Variants in C9orf153 observed in about 807,000 individuals in gnomAD.
C9orf153 encodes the protein uncharacterized protein C9orf153.
A neutral mutation model predicts 9.0 loss-of-function variants in C9orf153; 10 were observed. The observed-to-expected ratio is 1.11, with a 90% CI of 0.69 to 1.89. The LOEUF is 1.89. Ranked by LOEUF, C9orf153 falls within the 40% of genes most tolerant of loss-of-function variation. C9orf153 has a pLI of 0.00. For synonymous variants in C9orf153, 35 were observed against 37.3 expected (o/e 0.94, Z 0.23); for missense variants, 108 against 111.0 (o/e 0.97, Z 0.12).
intron 1 of C9orf153, among the ~76,000 whole-genome samples, chr9:86,241,801 T>C (rs528852203): frequency 1.3e-5 from 2 of 152,222 alleles, no homozygotes; most frequent in African/African-American, 2.4e-5. Context: ...AATTTTTCTA[T>C]TTTTAGTAGA....
At chr9:86,225,217 G>A (rs1017174671) in intron 3 of C9orf153, among the ~76,000 whole-genome samples, 2 of 152,238 alleles carry the variant, frequency 1.3e-5, no homozygotes, top group Non-Finnish European at 2.9e-5. Context: ...CTTCTGGACT[G>A]AGTAGGAGAG....
chr9:86,224,805 G>C (rs1260092061), intron 3 of C9orf153, among the ~76,000 whole-genome samples: 2 of 151,212 alleles, frequency 1.3e-5, no homozygotes, highest in African/African-American at 2.4e-5. Flanking sequence ...TGGGCTTGGT[G>C]GTGGGCACCT....
intron 1 of C9orf153, among the ~76,000 whole-genome samples, chr9:86,242,096 G>A (rs1460215429): frequency 6.6e-6 from 1 of 152,226 alleles, no homozygotes; most frequent in Non-Finnish European, 1.5e-5. Flanking sequence ...TAGGGTGGTT[G>A]TGTTGACCTC....
rs1375752614 is a variant in C9orf153, at chr9:86,221,584, A to G, written c.*104T>C. ...AAAGACTTGCGAACTATAGGGGGGA[A>G]AATAACGTCAGGCATGTCCTGGCTC... On this transcript the variant is annotated 3_prime_UTR_variant, in exon 4 of 4. Coordinates refer to ENST00000339137, the MANE Select transcript of C9orf153 (RefSeq NM_001276366.4). 2.8e-6 allele frequency: 4 copies of G among 1,426,788 alleles called. No individual in the cohort carries two copies. The highest frequency in any genetic ancestry group is 2.9e-5 in the African/African-American group (2 of 68,198). The allele number at this position is 1,426,788 out of a possible 1,614,324, so 88.4% of individuals were successfully genotyped here.
Position 86,247,827 on chromosome 9 carries a change from C to T in C9orf153, c.-27+11723G>A, listed in dbSNP as rs539395570. Among the ~76,000 whole-genome samples the T allele has an allele frequency of 6.6e-5, 10 of 152,290 alleles. No individual in the cohort carries two copies. In the South Asian group the frequency reaches 1.5e-3, roughly 22 times the overall value. On this transcript the variant is annotated intron_variant, in intron 1 of 3. Transcript: ENST00000339137. ...TTGTTCTTTTGAAGTTTTCTTCTGCCAACATAGTCTCTCTTTTTTGTCCCT... is the reference window on the plus strand; with the variant it reads ...TTGTTCTTTTGAAGTTTTCTTCTGCTAACATAGTCTCTCTTTTTTGTCCCT...
intron 1 of C9orf153, among the ~76,000 whole-genome samples, chr9:86,256,516 C>A (rs753663615): frequency 6.6e-6 from 1 of 152,124 alleles, no homozygotes; most frequent in Non-Finnish European, 1.5e-5. Context: ...CATTTAAATA[C>A]GCAGGAGCTA....
chr9:86,244,702 C>T (rs900408224), intron 1 of C9orf153, among the ~76,000 whole-genome samples: 1 of 152,172 alleles, frequency 6.6e-6, no homozygotes. Context: ...CGAAGAATAT[C>T]GGGAACACCA....
At chr9:86,229,446 T>G (rs1824414093) in intron 2 of C9orf153, 92 bp downstream of exon 2, 3 of 846,948 alleles carry the variant, frequency 3.5e-6, no homozygotes, top group Non-Finnish European at 5.8e-6. Flanking sequence ...GGCTCCCAAG[T>G]GTGTCACTGT....
At chr9:86,230,151 T>G (rs536507051) in intron 1 of C9orf153, among the ~76,000 whole-genome samples, 2 of 152,282 alleles carry the variant, frequency 1.3e-5, no homozygotes, top group South Asian at 4.1e-4. Context: ...CAATTTAAAC[T>G]TTTCATTTGC....
At chr9:86,229,394 A>C in intron 2 of C9orf153, 144 bp downstream of exon 2, 1 of 564,148 alleles carries the variant, frequency 1.8e-6, no homozygotes, top group South Asian at 2.5e-5. Flanking sequence ...CTCTGTGACT[A>C]AGAATGTTAA....
At chr9:86,243,831 C>T (rs544495455) in intron 1 of C9orf153, among the ~76,000 whole-genome samples, 1 of 152,328 alleles carries the variant, frequency 6.6e-6, no homozygotes, top group East Asian at 1.9e-4. Flanking sequence ...TTCTGAAAAG[C>T]AGGCTGCATC....
At chr9:86,253,881 G>A (rs1482119987) in intron 1 of C9orf153, among the ~76,000 whole-genome samples, 1 of 152,054 alleles carries the variant, frequency 6.6e-6, no homozygotes, top group Non-Finnish European at 1.5e-5. Flanking sequence ...CATGAGGTCA[G>A]GAGATAAAGA....
rs57234931 is a variant in C9orf153, at chr9:86,235,777, GAA to G, written c.-26-6150_-26-6149del. ...AAAAAAAAAAAAAAAAAGAGAGAGA[GAA>G]AGAAAAACACTGGAAAATAAATGGT... On this transcript the variant is annotated intron_variant, in intron 1 of 3. Coordinates refer to ENST00000339137, the MANE Select transcript of C9orf153 (RefSeq NM_001276366.4). Among the ~76,000 whole-genome samples, 187 of 135,036 alleles carry G rather than the reference GAA, an allele frequency of 1.4e-3. 1 individual carries two copies. Among genetic ancestry groups the G allele is most frequent in the African/African-American group, 5.0e-3 (179 of 35,782 alleles). 88.6% of individuals were successfully genotyped at this position (135,036 alleles called of 152,430 possible).
intron 1 of C9orf153, among the ~76,000 whole-genome samples, chr9:86,243,932 G>T (rs1160686339): frequency 2.0e-5 from 3 of 152,162 alleles, no homozygotes; most frequent in Non-Finnish European, 4.4e-5. Context: ...GGACATAGCT[G>T]TTCATAAGGC....
rs1824815652 is a variant in C9orf153 at position 86,244,227 on chromosome 9, AC to A, written c.-26-14599del. Among the ~76,000 whole-genome samples the A allele has an allele frequency of 2.6e-5, 4 of 152,272 alleles. No homozygotes were observed. The South Asian group carries it at 8.3e-4, about 32-fold the overall frequency. On this transcript the variant is annotated intron_variant, in intron 1 of 3. Transcript: ENST00000339137. ...AAAATTAATTTTGCCTGTATCTTTCACCTTTTCTCTTTTAAAATAATTTTTT... is the reference window on the plus strand; with the variant it reads ...AAAATTAATTTTGCCTGTATCTTTCACTTTTCTCTTTTAAAATAATTTTTT...
intron 1 of C9orf153, among the ~76,000 whole-genome samples, chr9:86,236,490 A>C (rs1024873133): frequency 7.4e-5 from 11 of 148,306 alleles, no homozygotes; most frequent in Non-Finnish European, 1.6e-4. Flanking sequence ...CAGAGGTTGC[A>C]GTGAGCCGAT....
At chr9:86,259,051 A>T (rs1315558911) in intron 1 of C9orf153, among the ~76,000 whole-genome samples, 1 of 149,434 alleles carries the variant, frequency 6.7e-6, no homozygotes, top group African/African-American at 2.5e-5. Flanking sequence ...TTTCTTTGAG[A>T]TAGGCTCTCA....
At chr9:86,236,687 T>C in intron 1 of C9orf153, among the ~76,000 whole-genome samples, 1 of 151,782 alleles carries the variant, frequency 6.6e-6, no homozygotes, top group Non-Finnish European at 1.5e-5. Flanking sequence ...ATCATGTAGG[T>C]AAGAAACTCA....
intron 1 of C9orf153, among the ~76,000 whole-genome samples, chr9:86,242,074 T>C (rs1824756161): frequency 1.3e-5 from 2 of 152,186 alleles, no homozygotes; most frequent in South Asian, 4.1e-4. Flanking sequence ...GATGGAGGGT[T>C]GCAACTTTAA....
Sources: gnomAD v4.1 joint callset for allele counts (sites outside exome capture counted in the v4.1 genomes callset) on GRCh38, gnomAD v4.1.1 for gene constraint, MANE v1.5 for transcripts, NCBI Gene and HGNC (gene_info 2026-07-23, HGNC 2026-07-21) for gene names.